The following AKAP6 variants were observed in gnomAD, a reference collection of about 807,000 sequenced individuals.
AKAP6 encodes the protein A-kinase anchoring protein 6, also known as A-kinase anchor protein 6.
A neutral mutation model predicts 188.5 loss-of-function variants in AKAP6; 58 were observed. That is an observed-to-expected ratio of 0.31 (90% CI 0.25 to 0.38). AKAP6 has a LOEUF of 0.38. AKAP6 is among the 10% of genes least tolerant of loss of function. The pLI is 1.00. For missense variants in AKAP6, 2,710 were observed against 2,740.0 expected (o/e 0.99, Z 0.24); for synonymous variants, 989 against 998.6 (o/e 0.99, Z 0.18).
intron 2 of AKAP6, among the ~76,000 whole-genome samples, chr14:32,498,443 A>T (rs1880438564): frequency 6.6e-6 from 1 of 152,170 alleles, no homozygotes; most frequent in Admixed American, 6.6e-5. Context: ...TTAGTAATCA[A>T]ATATATCAAT....
At chr14:32,660,566 C>G (rs1351942860) in intron 7 of AKAP6, among the ~76,000 whole-genome samples, 1 of 152,030 alleles carries the variant, frequency 6.6e-6, no homozygotes. Context: ...AAAGAAGTGA[C>G]TTTAGAGCCT....
rs2034874607 is a variant in AKAP6 at position 32,836,265 on chromosome 14, C to G, written c.*6460C>G. The G allele has an allele frequency of 6.6e-6, 1 of 152,266 alleles. No homozygotes were observed. The highest frequency in any genetic ancestry group is 2.4e-5 in the African/African-American group (1 of 41,404). The allele number at this position is 152,266 out of a possible 1,614,324, so 9.4% of individuals were successfully genotyped here. On this transcript the variant is annotated 3_prime_UTR_variant, in exon 14 of 14. Transcript: ENST00000280979. ...GGGAAGTTCAAGATCAAGATGCTAGCAGATTCAGTGTCTGAGGAGGGCTCA... is the reference window on the plus strand; with the variant it reads ...GGGAAGTTCAAGATCAAGATGCTAGGAGATTCAGTGTCTGAGGAGGGCTCA...
At chr14:32,477,563 T>A (rs1170387156) in intron 2 of AKAP6, among the ~76,000 whole-genome samples, 1 of 152,184 alleles carries the variant, frequency 6.6e-6, no homozygotes, top group Non-Finnish European at 1.5e-5. Flanking sequence ...GGCTGTTATA[T>A]GTATGTGAAT....
intron 2 of AKAP6, among the ~76,000 whole-genome samples, chr14:32,444,454 A>G (rs1174106136): frequency 1.3e-5 from 2 of 152,240 alleles, no homozygotes; most frequent in African/African-American, 4.8e-5. Context: ...GGAACTGAAT[A>G]GAAATCTCTT....
chr14:32,550,662 C>T (rs1240439988), intron 4 of AKAP6, among the ~76,000 whole-genome samples: 1 of 152,182 alleles, frequency 6.6e-6, no homozygotes, highest in Admixed American at 6.5e-5. Flanking sequence ...CTTATAGTGA[C>T]CCAGAGAACC....
intron 7 of AKAP6, among the ~76,000 whole-genome samples, chr14:32,670,221 C>T (rs1453212332): frequency 6.6e-6 from 1 of 152,024 alleles, no homozygotes; most frequent in East Asian, 1.9e-4. Flanking sequence ...TAAATGCCCC[C>T]AGGATTAAAT....
chr14:32,591,471 CAAAAA>C (rs71432067), intron 5 of AKAP6, among the ~76,000 whole-genome samples: 1 of 128,506 alleles, frequency 7.8e-6, no homozygotes, highest in Non-Finnish European at 1.6e-5. Context: ...TACTTTGCAC[CAAAAA>C]AAAAAAAAAA....
chr14:32,634,595 T>G (rs1185836573), intron 7 of AKAP6, among the ~76,000 whole-genome samples: 1 of 152,088 alleles, frequency 6.6e-6, no homozygotes, highest in African/African-American at 2.4e-5. Flanking sequence ...TCCAGTCTAA[T>G]TAATCGATAA....
intron 2 of AKAP6, among the ~76,000 whole-genome samples, chr14:32,514,587 G>A (rs538131521): frequency 6.6e-6 from 1 of 152,300 alleles, no homozygotes; most frequent in East Asian, 1.9e-4. Context: ...AAATTAACCT[G>A]TAAGATCCTT....
chr14:32,459,028 A>G (rs1891233570), intron 2 of AKAP6, among the ~76,000 whole-genome samples: 1 of 152,172 alleles, frequency 6.6e-6, no homozygotes. Flanking sequence ...GTTATTAATA[A>G]AGGAACACTA....
intron 1 of AKAP6, among the ~76,000 whole-genome samples, chr14:32,413,175 A>ATTTCTT (rs1491566130): frequency 1.2e-4 from 7 of 60,478 alleles, no homozygotes; most frequent in African/African-American, 3.1e-4. Context: ...ATTTATTGAA[A>ATTTCTT]TTTTTTTTTT....
At chr14:32,357,304 C>T (rs769993802) in intron 1 of AKAP6, among the ~76,000 whole-genome samples, 6 of 152,100 alleles carry the variant, frequency 3.9e-5, no homozygotes, top group East Asian at 1.9e-4. Flanking sequence ...GAAACTAGGT[C>T]GAGGAACTGT....
At chr14:32,594,820 C>T (rs1170425508) in intron 5 of AKAP6, among the ~76,000 whole-genome samples, 2 of 152,124 alleles carry the variant, frequency 1.3e-5, no homozygotes, top group African/African-American at 2.4e-5. Flanking sequence ...GAAAAAGTGT[C>T]GTCAAGTGTC....
In AKAP6 at chr14:32,699,812, G is replaced by A. The variant is rs573413491; in HGVS notation, c.3000+3702G>A. ...CACCCACTCTCTCACTTTCTTTCTC[G>A]TCATTCCTCCTCTCTTCCTAAGTAG... On this transcript the variant is annotated intron_variant, in intron 9 of 13. Coordinates refer to ENST00000280979, the MANE Select transcript of AKAP6 (RefSeq NM_004274.5). 1.5e-4 allele frequency among the ~76,000 whole-genome samples: 23 copies of A among 152,120 alleles called. No individual in the cohort carries two copies. In the East Asian group the frequency reaches 2.3e-3, roughly 15 times the overall value.
At chr14:32,808,296 A>C (rs923127372) in intron 12 of AKAP6, among the ~76,000 whole-genome samples, 1 of 152,190 alleles carries the variant, frequency 6.6e-6, no homozygotes. Flanking sequence ...ACATTAGCTG[A>C]GCACTCTAAG....
At chr14:32,669,759 C>A (rs1312378921) in intron 7 of AKAP6, among the ~76,000 whole-genome samples, 1 of 152,102 alleles carries the variant, frequency 6.6e-6, no homozygotes, top group Non-Finnish European at 1.5e-5. Context: ...AAAGTAAACA[C>A]ATCCTTCTTC....
intron 2 of AKAP6, among the ~76,000 whole-genome samples, chr14:32,533,741 C>T (rs957606735): frequency 2.6e-5 from 4 of 152,116 alleles, no homozygotes; most frequent in Admixed American, 6.5e-5. Context: ...CCAGAAATCC[C>T]GGGCAATGTG....
chr14:32,494,859 TC>T lies in AKAP6; in HGVS notation c.325-40694del, dbSNP rs372847718. Among the ~76,000 whole-genome samples, 34 of 152,258 alleles carry T rather than the reference TC, an allele frequency of 2.2e-4. No individual in the cohort carries two copies. In the South Asian group the frequency reaches 7.1e-3, roughly 32 times the overall value. ...AGGTGTATAACTTCAGTGTTTCCCG[TC>T]AGCTAAAGTAAACTACACCCCATGT... On this transcript the variant is annotated intron_variant, in intron 2 of 13. Coordinates refer to ENST00000280979, the MANE Select transcript of AKAP6 (RefSeq NM_004274.5).
chr14:32,829,073 A>G (rs1241219852), intron 13 of AKAP6, among the ~76,000 whole-genome samples: 1 of 152,216 alleles, frequency 6.6e-6, no homozygotes, highest in African/African-American at 2.4e-5. Flanking sequence ...GGGACTTACA[A>G]TAGTTGCATC....
Sources: allele counts gnomAD v4.1 joint callset (sites outside exome capture counted in the v4.1 genomes callset), GRCh38; gene constraint gnomAD v4.1.1; transcripts MANE v1.5; gene names NCBI Gene and HGNC (gene_info 2026-07-23, HGNC 2026-07-21).